The following CCDC30 variants were observed in gnomAD, a reference collection of about 807,000 sequenced individuals.
The protein encoded by CCDC30 is coiled-coil domain containing 30.
A neutral mutation model predicts 100.2 loss-of-function variants in CCDC30; 70 were observed. The observed-to-expected ratio is 0.70, with a 90% CI of 0.58 to 0.85. CCDC30 has a LOEUF of 0.85. CCDC30 is among the 40% of genes least tolerant of loss of function. The probability of loss-of-function intolerance (pLI) is 0.00; values close to 1 mark genes in which losing one functional copy is unlikely to be tolerated. For synonymous variants in CCDC30, 233 were observed against 269.5 expected (o/e 0.86, Z 1.33); for missense variants, 652 against 771.2 (o/e 0.85, Z 1.83).
chr1:42,496,250 C>G (rs1569810431), intron 4 of CCDC30, among the ~76,000 whole-genome samples: 1 of 151,822 alleles, frequency 6.6e-6, no homozygotes, highest in East Asian at 1.9e-4. Flanking sequence ...TTGTAAGTAG[C>G]TGTTGTCCTG....
intron 6 of CCDC30, chr1:42,537,082 G>A (rs937313838): frequency 7.9e-5 from 33 of 417,972 alleles, no homozygotes; most frequent in Non-Finnish European, 1.2e-4. Flanking sequence ...TGTAGAATAC[G>A]TGTTTCTATA....
chr1:42,652,394 G>T (rs949442333), intron 15 of CCDC30, among the ~76,000 whole-genome samples: 1 of 151,920 alleles, frequency 6.6e-6, no homozygotes, highest in African/African-American at 2.4e-5. Context: ...TGAGGTGATG[G>T]ATATGTTAAT....
intron 1 of CCDC30, among the ~76,000 whole-genome samples, chr1:42,472,306 C>T (rs1447303363): frequency 6.6e-6 from 1 of 152,110 alleles, no homozygotes; most frequent in Non-Finnish European, 1.5e-5. Context: ...CTTCATCGAT[C>T]AGCAGATATT....
intron 8 of CCDC30, chr1:42,581,060 G>A (rs541389774): frequency 2.2e-4 from 83 of 371,316 alleles, no homozygotes; most frequent in Admixed American, 1.9e-3. Flanking sequence ...GGCTGGTCTC[G>A]AACTCCTGAG....
At chr1:42,476,795 A>AT (rs1482968634) in intron 1 of CCDC30, among the ~76,000 whole-genome samples, 2 of 150,142 alleles carry the variant, frequency 1.3e-5, no homozygotes, top group African/African-American at 2.4e-5. Context: ...TGTACTCAGC[A>AT]TTTTTCCTTG....
intron 6 of CCDC30, among the ~76,000 whole-genome samples, chr1:42,514,381 T>C (rs1209600844): frequency 6.6e-6 from 1 of 152,222 alleles, no homozygotes; most frequent in East Asian, 1.9e-4. Flanking sequence ...AGGGTTGCAG[T>C]TTCTCCATAT....
At chr1:42,563,621 C>T (rs992672098) in intron 6 of CCDC30, among the ~76,000 whole-genome samples, 5 of 152,176 alleles carry the variant, frequency 3.3e-5, no homozygotes, top group Non-Finnish European at 5.9e-5. Flanking sequence ...TGGCTCACGC[C>T]TGTAATCCCA....
intron 7 of CCDC30, among the ~76,000 whole-genome samples, chr1:42,569,409 A>G (rs1645683625): frequency 6.6e-6 from 1 of 152,222 alleles, no homozygotes; most frequent in Non-Finnish European, 1.5e-5. Flanking sequence ...GAGAAATGCA[A>G]ATCAAAACCA....
At position 42,642,461 on chromosome 1, in the gene CCDC30, T is replaced by C. The variant is rs1370128378; in HGVS notation, c.1420-12T>C. On this transcript the variant is annotated splice_polypyrimidine_tract_variant and intron_variant, in intron 12 of 16. Transcript: ENST00000668663. ...TCCTGCTGTGGTAATTAGGAGACTT[T>C]CTAATCCCTAGGAGAAGGCAATACA... The C allele has an allele frequency of 2.0e-6, 3 of 1,515,448 alleles. No individual in the cohort carries two copies. The highest frequency in any genetic ancestry group is 2.6e-6 in the Non-Finnish European group (3 of 1,132,210). 93.9% of individuals were successfully genotyped at this position (1,515,448 alleles called of 1,614,324 possible). A position where few individuals can be genotyped will look rare whatever the true frequency, so the allele number is the denominator to read the frequency against.
chr1:42,542,533 A>AT (rs749030366), intron 6 of CCDC30, among the ~76,000 whole-genome samples: 17 of 100,808 alleles, frequency 1.7e-4, no homozygotes, highest in African/African-American at 6.7e-4. Context: ...CTAATTTTAA[A>AT]TTTTTCTTTT....
chr1:42,494,262 C>A lies in CCDC30; in HGVS notation c.242-2836C>A, dbSNP rs540941958. Among the ~76,000 whole-genome samples the A allele has an allele frequency of 7.2e-5, 11 of 152,252 alleles. No homozygotes were observed. The East Asian group carries it at 2.1e-3, about 29-fold the overall frequency. On this transcript the variant is annotated intron_variant, in intron 4 of 16. Coordinates refer to ENST00000668663, the Ensembl canonical transcript of CCDC30. ...AAAAACAAGCAATGGGGAAAGGATT[C>A]CCTATTTAATAAATGGTGCTGGGAA... is the stretch of plus-strand genomic sequence containing the variant.
At chr1:42,481,988 G>A (rs780020642) in intron 2 of CCDC30, among the ~76,000 whole-genome samples, 1 of 152,108 alleles carries the variant, frequency 6.6e-6, no homozygotes, top group Non-Finnish European at 1.5e-5. Flanking sequence ...GAAGGCCCAG[G>A]TGGGTGGATC....
At chr1:42,485,169 C>T (rs1288716679) in intron 3 of CCDC30, among the ~76,000 whole-genome samples, 8 of 151,994 alleles carry the variant, frequency 5.3e-5, no homozygotes, top group Non-Finnish European at 1.2e-4. Flanking sequence ...TACACCTACA[C>T]AAAAATTAAT....
chr1:42,596,030 G>GA lies in CCDC30; in HGVS notation c.1164+6552dup, dbSNP rs1557430884. 6.6e-6 allele frequency among the ~76,000 whole-genome samples: 1 copy of GA among 152,142 alleles called. No homozygotes were observed. Among genetic ancestry groups the GA allele is most frequent in the Admixed American group, 6.5e-5 (1 of 15,272 alleles). ...CAACAAGTGAAATGCCAAACAAACT[G>GA]AAAAATCAACACATTTCCCTAGATC... On this transcript the variant is annotated intron_variant, in intron 10 of 16. Coordinates refer to ENST00000668663, the Ensembl canonical transcript of CCDC30. The surrounding 1 kb of genome is among the most constrained non-coding windows in gnomAD (Gnocchi z 4.3).
chr1:42,526,347 T>A (rs970746726), intron 6 of CCDC30, among the ~76,000 whole-genome samples: 8 of 152,162 alleles, frequency 5.3e-5, no homozygotes, highest in African/African-American at 1.9e-4. Flanking sequence ...CCTTTTTTTC[T>A]TTTTCCATGA....
At chr1:42,643,375 G>C (rs1647616117) in intron 13 of CCDC30, among the ~76,000 whole-genome samples, 1 of 152,164 alleles carries the variant, frequency 6.6e-6, no homozygotes, top group South Asian at 2.1e-4. Context: ...CTGGGGAGAG[G>C]ACTGCCAAGC....
intron 1 of CCDC30, among the ~76,000 whole-genome samples, chr1:42,471,830 A>G (rs1294211923): frequency 6.6e-6 from 1 of 152,230 alleles, no homozygotes; most frequent in African/African-American, 2.4e-5. Flanking sequence ...TGATGTGGAA[A>G]TGGTAAGACT....
intron 6 of CCDC30, chr1:42,558,042 GA>G (rs71798684): frequency 1.4e-4 from 28 of 200,728 alleles, no homozygotes; most frequent in Admixed American, 4.5e-4. Context: ...TATATGGTGG[GA>G]AAAAAAATAG....
At chr1:42,522,360 G>A (rs529851646) in intron 6 of CCDC30, among the ~76,000 whole-genome samples, 10 of 152,112 alleles carry the variant, frequency 6.6e-5, no homozygotes, top group Non-Finnish European at 1.5e-4. Context: ...TTACAGAAAA[G>A]GGGGGTCTTA....
Sources: gnomAD v4.1 joint callset for allele counts (sites outside exome capture counted in the v4.1 genomes callset) on GRCh38, gnomAD v4.1.1 for gene constraint, Gnocchi (gnomAD v3.1) non-coding constraint, MANE v1.5 for transcripts, NCBI Gene and HGNC (gene_info 2026-07-23, HGNC 2026-07-21) for gene names.